NRXN3: variants seen among roughly 807,000 people sequenced by gnomAD.
NRXN3 encodes neurexin III.
In NRXN3, 32 loss-of-function variants were observed where a neutral mutation model predicts 137.6. The observed-to-expected ratio is 0.23, with a 90% confidence interval of 0.18 to 0.31. The LOEUF (loss-of-function observed/expected upper bound fraction) is 0.31. Ranked by LOEUF, NRXN3 falls within the 10% of genes least tolerant of loss-of-function variation. The pLI is 1.00. For missense variants in NRXN3, 1,574 were observed against 2,062.5 expected (o/e 0.76, Z 4.59); for synonymous variants, 798 against 784.5 (o/e 1.02, Z -0.29).
Position 78,965,957 on chromosome 14 carries a change from T to C in NRXN3, c.2396-68T>C, listed in dbSNP as rs528012104. On this transcript the variant is annotated intron_variant, in intron 11 of 20. Transcript: ENST00000335750. ...GTGGAAACAGGTTACACCCAAAAAA[T>C]ATACTTGAGGGTGCTGTGATAAATG... 24 of 1,530,988 alleles carry C rather than the reference T, an allele frequency of 1.6e-5. No individual in the cohort carries two copies. The African/African-American group carries it at 3.2e-4, about 20-fold the overall frequency. The allele number at this position is 1,530,988 out of a possible 1,614,324, so 94.8% of individuals were successfully genotyped here.
At chr14:78,711,350 G>A (rs1347280609) in intron 7 of NRXN3, among the ~76,000 whole-genome samples, 1 of 151,008 alleles carries the variant, frequency 6.6e-6, no homozygotes, top group Admixed American at 6.6e-5. Context: ...AACCACCAGT[G>A]GACCCAACTT....
chr14:79,564,307 C>T (rs530546896), intron 16 of NRXN3, among the ~76,000 whole-genome samples: 2 of 152,010 alleles, frequency 1.3e-5, no homozygotes, highest in East Asian at 1.9e-4. Context: ...TGGTTTGGGT[C>T]GCAGACACCA....
intron 4 of NRXN3, among the ~76,000 whole-genome samples, chr14:78,483,033 T>G (rs1009828549): frequency 6.6e-6 from 1 of 152,192 alleles, no homozygotes; most frequent in Non-Finnish European, 1.5e-5. Context: ...ACTAGATTGT[T>G]TTTTTAAATT....
intron 15 of NRXN3, among the ~76,000 whole-genome samples, chr14:79,264,879 G>T (rs1372686638): frequency 1.3e-5 from 2 of 151,716 alleles, no homozygotes; most frequent in African/African-American, 4.8e-5. Context: ...TAAATAACCA[G>T]AATTTATCTG....
At chr14:79,105,587 A>T (rs1334920940) in intron 15 of NRXN3, among the ~76,000 whole-genome samples, 1 of 152,082 alleles carries the variant, frequency 6.6e-6, no homozygotes, top group Admixed American at 6.6e-5. Context: ...CTTCCCAAGC[A>T]TTTCCCCATG....
At chr14:79,363,901 A>C (rs1332048534) in intron 15 of NRXN3, among the ~76,000 whole-genome samples, 1 of 152,194 alleles carries the variant, frequency 6.6e-6, no homozygotes, top group African/African-American at 2.4e-5. Context: ...AATGGGCTTC[A>C]TGGCTATAGG....
At chr14:78,592,901 C>T (rs1489423970) in intron 4 of NRXN3, among the ~76,000 whole-genome samples, 1 of 152,208 alleles carries the variant, frequency 6.6e-6, no homozygotes, top group Non-Finnish European at 1.5e-5. Context: ...CATGTCCTCC[C>T]ATCTGCAGGG....
At chr14:78,196,555 G>A (rs2061247925) in intron 1 of NRXN3, among the ~76,000 whole-genome samples, 1 of 152,194 alleles carries the variant, frequency 6.6e-6, no homozygotes, top group African/African-American at 2.4e-5. Context: ...ACATATGACT[G>A]TAGTATGGTG....
At position 78,761,775 on chromosome 14, in the gene NRXN3, T is replaced by C. The variant is rs116048733; in HGVS notation, c.2045-41845T>C. On this transcript the variant is annotated intron_variant, in intron 8 of 20. Coordinates refer to ENST00000335750, the MANE Select transcript of NRXN3 (RefSeq NM_001330195.2). ...AGGAAGAGCTGCTTTTCATGAGTGCTTCTCTCAGGAATATCTGTACGTAAA... is the reference window on the plus strand; with the variant it reads ...AGGAAGAGCTGCTTTTCATGAGTGCCTCTCTCAGGAATATCTGTACGTAAA... Among the ~76,000 whole-genome samples, 230 of 152,304 alleles carry C rather than the reference T, an allele frequency of 1.5e-3. 1 individual carries two copies. The highest frequency in any genetic ancestry group is 5.3e-3 in the African/African-American group (222 of 41,564).
intron 16 of NRXN3, among the ~76,000 whole-genome samples, chr14:79,613,254 C>T (rs901369301): frequency 2.0e-5 from 3 of 152,200 alleles, no homozygotes; most frequent in African/African-American, 4.8e-5. Context: ...AACTATAATG[C>T]TTAAACTGTT....
chr14:78,840,656 C>A (rs2099009857), intron 10 of NRXN3, among the ~76,000 whole-genome samples: 1 of 152,106 alleles, frequency 6.6e-6, no homozygotes, highest in African/African-American at 2.4e-5. Context: ...TTGCTCGTCA[C>A]CCTGGAAGCA....
intron 4 of NRXN3, chr14:78,403,941 TC>T (rs2092302148): frequency 1.1e-6 from 1 of 936,202 alleles, no homozygotes; most frequent in Non-Finnish European, 1.3e-6. Context: ...GGTGGGCTGT[TC>T]CCCATTTGCC....
At chr14:78,843,307 TGTTTGG>T (rs758884550) in intron 10 of NRXN3, among the ~76,000 whole-genome samples, 4 of 152,146 alleles carry the variant, frequency 2.6e-5, no homozygotes, top group Non-Finnish European at 5.9e-5. Flanking sequence ...ATTTATCATC[TGTTTGG>T]GTTATTGTCC....
Position 78,508,654 on chromosome 14 carries a change from T to G in NRXN3, c.758-136466T>G, listed in dbSNP as rs1454780991. On this transcript the variant is annotated intron_variant, in intron 4 of 20. Transcript: ENST00000335750. ...CTAAATGGCAAAGTATATTTCTTTT[T>G]TATTTAAAATGTTAAAAAAAAAAGT... 6.6e-5 allele frequency among the ~76,000 whole-genome samples: 10 copies of G among 151,974 alleles called. No individual in the cohort carries two copies. The East Asian group carries it at 1.2e-3, about 18-fold the overall frequency.
chr14:79,172,030 A>G (rs964463592), intron 15 of NRXN3, among the ~76,000 whole-genome samples: 3 of 152,178 alleles, frequency 2.0e-5, no homozygotes, highest in Non-Finnish European at 4.4e-5. Flanking sequence ...GATATGATAC[A>G]GTGAGCACTA....
rs79216581 is a variant in NRXN3, at chr14:79,157,533, A to C, written c.3262+169392A>C. On this transcript the variant is annotated intron_variant, in intron 15 of 20. Coordinates refer to ENST00000335750, the MANE Select transcript of NRXN3 (RefSeq NM_001330195.2). Reference sequence around the variant, plus strand: ...TGTTGTACAATTACAGAAAGCAGCAAATACTTATCTTGGCATGTCCTGTCA... The same window carrying C: ...TGTTGTACAATTACAGAAAGCAGCACATACTTATCTTGGCATGTCCTGTCA... 3.8e-3 allele frequency among the ~76,000 whole-genome samples: 575 copies of C among 151,936 alleles called. 27 individuals carry two copies. The East Asian group carries it at 0.1, about 27-fold the overall frequency.
intron 16 of NRXN3, among the ~76,000 whole-genome samples, chr14:79,537,071 C>T (rs2097218460): frequency 6.6e-6 from 1 of 152,120 alleles, no homozygotes; most frequent in African/African-American, 2.4e-5. Flanking sequence ...TTTACATTCC[C>T]ACCAACAGTG....
chr14:79,716,619 C>A (rs2154057396), intron 19 of NRXN3, among the ~76,000 whole-genome samples: 1 of 152,102 alleles, frequency 6.6e-6, no homozygotes, highest in East Asian at 1.9e-4. Context: ...TGGAAGTTTT[C>A]CTGCAGTCTA....
chr14:78,721,544 G>T (rs751669508), intron 8 of NRXN3, among the ~76,000 whole-genome samples: 1 of 152,094 alleles, frequency 6.6e-6, no homozygotes, highest in African/African-American at 2.4e-5. Flanking sequence ...CTTACAATCC[G>T]CAGAACTGTC....
Sources: allele counts gnomAD v4.1 joint callset (sites outside exome capture counted in the v4.1 genomes callset), GRCh38; gene constraint gnomAD v4.1.1; transcripts MANE v1.5; gene names NCBI Gene and HGNC (gene_info 2026-07-23, HGNC 2026-07-21).